ABCC4: variants seen among roughly 807,000 people sequenced by gnomAD.
ABCC4 encodes the protein ATP binding cassette subfamily C member 4 (PEL blood group).
Under a neutral mutation model 168.5 loss-of-function variants are expected in ABCC4, and 102 were observed. The ratio of observed to expected loss-of-function variants is 0.61; its 90% CI spans 0.52 to 0.71. The LOEUF (loss-of-function observed/expected upper bound fraction) is 0.71. Among genes scored for constraint, ABCC4 ranks in the 30% least tolerant of loss-of-function variants. ABCC4 has a pLI of 0.00. For synonymous variants in ABCC4, 617 were observed against 590.7 expected (o/e 1.04, Z -0.65); for missense variants, 1,402 against 1,605.8 (o/e 0.87, Z 2.17).
intron 11 of ABCC4, among the ~76,000 whole-genome samples, chr13:95,186,293 G>A (rs1344854574): frequency 6.6e-6 from 1 of 152,108 alleles, no homozygotes; most frequent in East Asian, 1.9e-4. Context: ...GAAGAATCTG[G>A]GTTGGGGGTG....
In ABCC4 at chr13:95,200,717, C is replaced by T. The variant is rs892029001; in HGVS notation, c.1162-5780G>A. Reference sequence around the variant, plus strand: ...GCTTGGTGACAGAGCGAGACGCCGTCTCAAAACAAAACAAAACAAAACAAA... The same window carrying T: ...GCTTGGTGACAGAGCGAGACGCCGTTTCAAAACAAAACAAAACAAAACAAA... On this transcript the variant is annotated intron_variant, in intron 8 of 30. Coordinates refer to ENST00000645237, the MANE Select transcript of ABCC4 (RefSeq NM_005845.5). Among the ~76,000 whole-genome samples the T allele has an allele frequency of 2.6e-5, 4 of 151,820 alleles. No individual in the cohort carries two copies. In the East Asian group the frequency reaches 7.7e-4, roughly 29 times the overall value.
intron 4 of ABCC4, among the ~76,000 whole-genome samples, chr13:95,227,361 G>A (rs1025946986): frequency 1.3e-5 from 2 of 152,172 alleles, no homozygotes; most frequent in Non-Finnish European, 2.9e-5. Flanking sequence ...AAATGCCCAG[G>A]TACAATTCAA....
intron 8 of ABCC4, among the ~76,000 whole-genome samples, chr13:95,195,923 C>T (rs1377653665): frequency 1.3e-5 from 2 of 152,206 alleles, no homozygotes; most frequent in Non-Finnish European, 2.9e-5. Context: ...CATAAGCCAC[C>T]ATGCTACACC....
chr13:95,135,386 AT>A (rs2036113601), intron 19 of ABCC4, among the ~76,000 whole-genome samples: 1 of 151,850 alleles, frequency 6.6e-6, no homozygotes, highest in African/African-American at 2.4e-5. Flanking sequence ...ACATTTCACG[AT>A]CAGGTAAAAT....
chr13:95,178,225 G>A, intron 11 of ABCC4, 134 bp from the exon 12 acceptor site: 1 of 740,168 alleles, frequency 1.4e-6, no homozygotes, highest in African/African-American at 1.7e-5. Flanking sequence ...TTGATCAACA[G>A]CAATGGAAAT....
chr13:95,158,071 CAAAAAAAAAAA>C (rs35037278), intron 19 of ABCC4, among the ~76,000 whole-genome samples: 1 of 84,680 alleles, frequency 1.2e-5, no homozygotes, highest in African/African-American at 3.6e-5. Context: ...GACTCCGTCT[CAAAAAAAAAAA>C]AAAAAAAGAA....
intron 27 of ABCC4, among the ~76,000 whole-genome samples, chr13:95,046,525 G>A (rs2032586367): frequency 1.3e-5 from 2 of 152,174 alleles, no homozygotes; most frequent in Non-Finnish European, 1.5e-5. Context: ...AGCACTTTGG[G>A]AGGCTGGGGC....
intron 27 of ABCC4, among the ~76,000 whole-genome samples, chr13:95,049,907 G>A (rs115744739): frequency 0.014 from 2,115 of 152,282 alleles, 65 homozygotes; most frequent in African/African-American, 0.048. Flanking sequence ...CCAACCCTCT[G>A]AGTTTGGGTT....
chr13:95,278,573 T>C (rs2041030363), intron 1 of ABCC4, among the ~76,000 whole-genome samples: 1 of 151,928 alleles, frequency 6.6e-6, no homozygotes, highest in African/African-American at 2.4e-5. Context: ...GGTGGGTGGA[T>C]TGCATGAGCC....
chr13:95,065,295 C>T (rs1268104528), intron 25 of ABCC4, among the ~76,000 whole-genome samples: 1 of 152,150 alleles, frequency 6.6e-6, no homozygotes, highest in African/African-American at 2.4e-5. Context: ...AACAAAAACT[C>T]TTTTGCTAGT....
At chr13:95,099,929 CAAGATTTTAA>C (rs1310152494) in intron 20 of ABCC4, among the ~76,000 whole-genome samples, 1 of 152,134 alleles carries the variant, frequency 6.6e-6, no homozygotes, top group Non-Finnish European at 1.5e-5. Context: ...ATAGTGACTG[CAAGATTTTAA>C]TAAAACTCAG....
chr13:95,182,700 C>T (rs1594250431), intron 11 of ABCC4, among the ~76,000 whole-genome samples: 1 of 152,156 alleles, frequency 6.6e-6, no homozygotes, highest in Non-Finnish European at 1.5e-5. Flanking sequence ...TTACAGATGA[C>T]AAAACTGAGG....
chr13:95,258,488 T>C (rs2040447669), intron 1 of ABCC4, among the ~76,000 whole-genome samples: 1 of 152,194 alleles, frequency 6.6e-6, no homozygotes, highest in South Asian at 2.1e-4. Context: ...ATACCCTCAT[T>C]GTCGATCATT....
chr13:95,044,777 T>C (rs2032507549), intron 27 of ABCC4, among the ~76,000 whole-genome samples: 1 of 152,160 alleles, frequency 6.6e-6, no homozygotes, highest in Non-Finnish European at 1.5e-5. Flanking sequence ...AAGTATTCTG[T>C]AGGTAAAATA....
At chr13:95,269,396 A>C (rs1263961926) in intron 1 of ABCC4, 1 of 403,938 alleles carries the variant, frequency 2.5e-6, no homozygotes, top group East Asian at 8.0e-5. Context: ...ACTGCACTCC[A>C]GCCTGGGTGA....
At chr13:95,209,306 G>A in intron 6 of ABCC4, 128 bp downstream of exon 6, 1 of 1,139,746 alleles carries the variant, frequency 8.8e-7, no homozygotes, top group Non-Finnish European at 1.2e-6. Context: ...GGCTGAGCCT[G>A]AAGAGCTGCA....
chr13:95,245,335 C>G (rs1386810345), intron 3 of ABCC4, among the ~76,000 whole-genome samples: 1 of 152,250 alleles, frequency 6.6e-6, no homozygotes, highest in African/African-American at 2.4e-5. Flanking sequence ...TAACCAGACA[C>G]CTGGCATGAG....
chr13:95,221,550 T>TA (rs1438367785), intron 4 of ABCC4, among the ~76,000 whole-genome samples: 1 of 151,918 alleles, frequency 6.6e-6, no homozygotes, highest in Non-Finnish European at 1.5e-5. Context: ...TTTACCACAA[T>TA]TTTTTTTAAT....
chr13:95,291,111 T>C (rs1190528781), intron 1 of ABCC4, among the ~76,000 whole-genome samples: 1 of 152,052 alleles, frequency 6.6e-6, no homozygotes, highest in Non-Finnish European at 1.5e-5. Context: ...CCCAGCATTT[T>C]GGGAGGCCAA....
Sources: gnomAD v4.1 joint callset for allele counts (sites outside exome capture counted in the v4.1 genomes callset) on GRCh38, gnomAD v4.1.1 for gene constraint, MANE v1.5 for transcripts, NCBI Gene and HGNC (gene_info 2026-07-23, HGNC 2026-07-21) for gene names.